Variants in PTPRM observed in about 807,000 individuals in gnomAD.
The protein encoded by PTPRM is receptor-type tyrosine-protein phosphatase mu.
In PTPRM, 47 loss-of-function variants were observed where a neutral mutation model predicts 186.7. The ratio of observed to expected loss-of-function variants is 0.25; its 90% confidence interval spans 0.20 to 0.32. The LOEUF (loss-of-function observed/expected upper bound fraction) is 0.32, where lower values mean the gene tolerates loss of function less well. PTPRM is among the 10% of genes least tolerant of loss of function. The pLI, the probability that PTPRM is intolerant of heterozygous loss-of-function variation, is 1.00. For synonymous variants in PTPRM, 668 were observed against 674.9 expected, an observed-to-expected ratio of 0.99 and a Z score of 0.16; for missense variants, 1,494 against 1,865.0, an observed-to-expected ratio of 0.80 and a Z score of 3.66.
In PTPRM at chr18:7,700,975, CAA is replaced by C. The variant is rs1262649146; in HGVS notation, c.74-73154_74-73153del. ...CTGGCAACAGAGCCAGAGCCTATCTCAAAAAAAAAAAAAAAAAAAAAGAAAGA... is the reference window on the plus strand; with the variant it reads ...CTGGCAACAGAGCCAGAGCCTATCTCAAAAAAAAAAAAAAAAAAAGAAAGA... On this transcript the variant is annotated intron_variant, in intron 1 of 32. Transcript: ENST00000580170. Among the ~76,000 whole-genome samples the C allele has an allele frequency of 5.3e-3, 325 of 60,990 alleles. 4 individuals are homozygous for C. Among genetic ancestry groups the C allele is most frequent in the African/African-American group, 0.02 (312 of 15,294 alleles). 40.0% of individuals were successfully genotyped at this position (60,990 alleles called of 152,430 possible). A position where few individuals can be genotyped will look rare whatever the true frequency, so the allele number is the denominator to read the frequency against.
intron 1 of PTPRM, among the ~76,000 whole-genome samples, chr18:7,608,609 C>G (rs1192248532): frequency 2.6e-5 from 4 of 151,966 alleles, no homozygotes; most frequent in Admixed American, 2.0e-4. Context: ...TCTGTGGAGT[C>G]AGATTTCCTT....
intron 1 of PTPRM, among the ~76,000 whole-genome samples, chr18:7,608,198 T>C (rs1166299133): frequency 6.6e-6 from 1 of 152,174 alleles, no homozygotes; most frequent in Non-Finnish European, 1.5e-5. Flanking sequence ...CTTGAGAGTA[T>C]TGAGATGACT....
intron 10 of PTPRM, among the ~76,000 whole-genome samples, chr18:8,086,111 A>G (rs1472677422): frequency 1.3e-5 from 2 of 152,110 alleles, no homozygotes; most frequent in African/African-American, 2.4e-5. Context: ...GTCTTGGAGG[A>G]CTTGGGCATG....
intron 15 of PTPRM, 79 bp from the exon 16 acceptor site, chr18:8,247,746 GTGGGTAGCATGGAGTCACCA>G: frequency 3.6e-6 from 3 of 821,960 alleles, no homozygotes; most frequent in Non-Finnish European, 6.2e-6. Context: ...CGGAGTCACC[GTGGGTAGCATGGAGTCACCA>G]TGGGTGGTCT....
intron 7 of PTPRM, among the ~76,000 whole-genome samples, chr18:8,057,425 C>CTTTTTTTTTTTTTTT (rs763829289): frequency 9.8e-6 from 1 of 102,562 alleles, no homozygotes; most frequent in Non-Finnish European, 1.9e-5. Context: ...TGTGATACTT[C>CTTTTTTTTTTTTTTT]TTTTTTTTTT....
chr18:7,948,253 ATATATAT>A (rs2052686735), intron 5 of PTPRM, among the ~76,000 whole-genome samples: 1 of 151,754 alleles, frequency 6.6e-6, no homozygotes, highest in Admixed American at 6.6e-5. Context: ...GAGAAACTTT[ATATATAT>A]GTGTGTGTAT....
At chr18:8,008,205 ATCC>A (rs2084305331) in intron 7 of PTPRM, among the ~76,000 whole-genome samples, 1 of 152,144 alleles carries the variant, frequency 6.6e-6, no homozygotes, top group Admixed American at 6.5e-5. Flanking sequence ...CCCATATCAC[ATCC>A]TCCTCCTACC....
intron 14 of PTPRM, among the ~76,000 whole-genome samples, chr18:8,203,705 A>T (rs899488100): frequency 6.6e-5 from 10 of 152,216 alleles, no homozygotes; most frequent in Admixed American, 5.2e-4. Context: ...TTGGCAAAAT[A>T]AGTGTATATA....
chr18:7,991,098 T>C (rs1237122090), intron 7 of PTPRM, among the ~76,000 whole-genome samples: 7 of 152,212 alleles, frequency 4.6e-5, no homozygotes, highest in Non-Finnish European at 8.8e-5. Context: ...ATGAGGTTCT[T>C]AATTTGCTTT....
rs116989355 is a variant in PTPRM at position 7,810,991 on chromosome 18, T to A, written c.196+36720T>A. On this transcript the variant is annotated intron_variant, in intron 2 of 32. Coordinates refer to ENST00000580170, the MANE Select transcript of PTPRM (RefSeq NM_001105244.2). Reference sequence around the variant, plus strand: ...TTTTTCTGAACGATTGAATACTTGTTTTATTTTATCCTTTGCCCAGTAATT... The same window carrying A: ...TTTTTCTGAACGATTGAATACTTGTATTATTTTATCCTTTGCCCAGTAATT... Among the ~76,000 whole-genome samples the A allele has an allele frequency of 4.4e-4, 67 of 152,380 alleles. 1 individual carries two copies. The East Asian group carries it at 0.011, about 25-fold the overall frequency.
chr18:8,388,013 C>T (rs1165916112), intron 31 of PTPRM, among the ~76,000 whole-genome samples: 1 of 151,366 alleles, frequency 6.6e-6, no homozygotes, highest in African/African-American at 2.4e-5. Flanking sequence ...GGGAGTGGGG[C>T]CCAGACATGG....
At chr18:7,724,485 A>G (rs1344642148) in intron 1 of PTPRM, among the ~76,000 whole-genome samples, 1 of 151,938 alleles carries the variant, frequency 6.6e-6, no homozygotes, top group Admixed American at 6.5e-5. Flanking sequence ...ATTCATTTAA[A>G]CCATTAGCAC....
intron 14 of PTPRM, among the ~76,000 whole-genome samples, chr18:8,230,464 T>G (rs1327004195): frequency 6.6e-6 from 1 of 152,226 alleles, no homozygotes; most frequent in East Asian, 1.9e-4. Flanking sequence ...AGATTCCAGA[T>G]TCCCAGGATC....
chr18:7,792,457 T>C (rs28507132), intron 2 of PTPRM, among the ~76,000 whole-genome samples: 3,212 of 152,226 alleles, frequency 0.021, 95 homozygotes, highest in African/African-American at 0.067. Context: ...TTTTGCCTGT[T>C]TTCTCCTGTC....
At chr18:7,927,511 G>C (rs1306117826) in intron 5 of PTPRM, among the ~76,000 whole-genome samples, 1 of 150,590 alleles carries the variant, frequency 6.6e-6, no homozygotes, top group East Asian at 2.0e-4. Context: ...TTTATTTTTA[G>C]TTTGCTACTG....
chr18:8,398,952 G>A (rs1186581232), intron 32 of PTPRM, among the ~76,000 whole-genome samples: 1 of 152,042 alleles, frequency 6.6e-6, no homozygotes, highest in East Asian at 1.9e-4. Flanking sequence ...CTGAGGTGAT[G>A]GGAATGTTTT....
chr18:7,801,023 G>C (rs997122848), intron 2 of PTPRM, among the ~76,000 whole-genome samples: 1 of 152,146 alleles, frequency 6.6e-6, no homozygotes. Flanking sequence ...CAGTGAGTGA[G>C]TGGTGAGTGA....
chr18:8,106,716 T>G (rs2091538133), intron 11 of PTPRM, among the ~76,000 whole-genome samples: 1 of 152,230 alleles, frequency 6.6e-6, no homozygotes. Flanking sequence ...TGAAATAATT[T>G]TCTTCTCATT....
At chr18:8,209,990 A>T (rs60288773) in intron 14 of PTPRM, among the ~76,000 whole-genome samples, 8 of 29,752 alleles carry the variant, frequency 2.7e-4, no homozygotes, top group South Asian at 9.0e-4. Flanking sequence ...AAGTAAAATT[A>T]AAAAAAAAAA....
Sources: gnomAD v4.1 joint callset for allele counts (sites outside exome capture counted in the v4.1 genomes callset) on GRCh38, gnomAD v4.1.1 for gene constraint, MANE v1.5 for transcripts, NCBI Gene and HGNC (gene_info 2026-07-23, HGNC 2026-07-21) for gene names.